Variants in DARS1 observed in about 807,000 individuals in gnomAD.
DARS1 encodes the protein aspartate--tRNA ligase, cytoplasmic.
Under a neutral mutation model 68.8 loss-of-function variants are expected in DARS1, and 51 were observed. The ratio of observed to expected loss-of-function variants is 0.74; its 90% confidence interval spans 0.59 to 0.94. The LOEUF is 0.94. Ranked by LOEUF, DARS1 falls within the 40% of genes least tolerant of loss-of-function variation. The probability of loss-of-function intolerance (pLI) is 0.00; values close to 1 mark genes in which losing one functional copy is unlikely to be tolerated. For missense variants in DARS1, 607 were observed against 597.3 expected (o/e 1.02, Z -0.17); for synonymous variants, 203 against 190.4 (o/e 1.07, Z -0.55).
intron 5 of DARS1, among the ~76,000 whole-genome samples, chr2:135,935,751 A>G (rs1681455610): frequency 6.6e-6 from 1 of 152,186 alleles, no homozygotes; most frequent in Non-Finnish European, 1.5e-5. Flanking sequence ...CCATTTTATC[A>G]TATTAGTTAA....
intron 8 of DARS1, among the ~76,000 whole-genome samples, chr2:135,924,090 T>C (rs1681162588): frequency 6.6e-6 from 1 of 152,218 alleles, no homozygotes; most frequent in Non-Finnish European, 1.5e-5. Flanking sequence ...TCAAAAGAAA[T>C]CTATATAATG....
chr2:135,932,094 C>T (rs559676698), intron 7 of DARS1, among the ~76,000 whole-genome samples: 16 of 152,158 alleles, frequency 1.1e-4, no homozygotes, highest in Middle Eastern at 3.4e-3. Context: ...TTAGGAATAA[C>T]ATGAGTATAT....
chr2:135,972,810 G>A (rs1682404853), intron 3 of DARS1, among the ~76,000 whole-genome samples: 3 of 152,206 alleles, frequency 2.0e-5, no homozygotes, highest in Middle Eastern at 3.4e-3. Context: ...ATGGCAAAAA[G>A]GCATATGAAA....
chr2:135,928,698 T>C (rs2104806834), intron 7 of DARS1, among the ~76,000 whole-genome samples: 1 of 150,498 alleles, frequency 6.6e-6, no homozygotes, highest in East Asian at 2.0e-4. Context: ...GAGATGGAAT[T>C]TCTTTCTTGT....
At position 135,985,493 on chromosome 2, in the gene DARS1, C is replaced by A. The variant is rs201174803; in HGVS notation, c.-25G>T. ...TCGGGACACGGAACTGGGCAGTGGA[C>A]ACCACCCTCCCTCGCAGGCTTCCGT... On this transcript the variant is annotated 5_prime_UTR_variant, in exon 1 of 16. Coordinates refer to ENST00000264161, the MANE Select transcript of DARS1 (RefSeq NM_001349.4). The A allele has an allele frequency of 6.2e-7, 1 of 1,614,028 alleles. No homozygotes were observed. Among genetic ancestry groups the A allele is most frequent in the African/African-American group, 1.3e-5 (1 of 75,060 alleles).
chr2:135,942,488 A>G (rs978980676), intron 5 of DARS1, among the ~76,000 whole-genome samples: 2 of 117,004 alleles, frequency 1.7e-5, no homozygotes, highest in East Asian at 6.0e-4. Context: ...GGAACATCAC[A>G]CATCAGGGCC....
At position 135,979,335 on chromosome 2, in the gene DARS1, T is replaced by TGTTCGG; in HGVS notation, c.155_156insCCGAAC (p.Thr52_Ile53insArgThr). 6.7e-7 allele frequency: 1 copy of TGTTCGG among 1,497,906 alleles called. No homozygotes were observed. The highest frequency in any genetic ancestry group is 1.4e-5 in the African/African-American group (1 of 72,900). The allele number at this position is 1,497,906 out of a possible 1,614,324, so 92.8% of individuals were successfully genotyped here. ...AAACAACTTCATCAGCTTTTTGTATTGTCAAGTCTCTAACCCGAACCAAAA... is the reference window on the plus strand; with the variant it reads ...AAACAACTTCATCAGCTTTTTGTATTGTTCGGGTCAAGTCTCTAACCCGAACCAAAA... On this transcript the variant is annotated inframe_insertion, in exon 3 of 16. Coordinates refer to ENST00000264161, the MANE Select transcript of DARS1 (RefSeq NM_001349.4).
intron 7 of DARS1, among the ~76,000 whole-genome samples, chr2:135,932,187 T>G (rs918630990): frequency 3.3e-5 from 5 of 152,178 alleles, no homozygotes; most frequent in African/African-American, 1.2e-4. Context: ...GTAGAATATT[T>G]AAGTAAAAAA....
intron 3 of DARS1, among the ~76,000 whole-genome samples, chr2:135,968,059 A>C (rs953619884): frequency 2.6e-5 from 4 of 152,162 alleles, no homozygotes; most frequent in African/African-American, 9.7e-5. Context: ...CAGGAGTTTG[A>C]GACTAGCCTG....
rs532809701 is a variant in DARS1, at chr2:135,985,118, C to A, written c.66+285G>T. 149 of 502,862 alleles carry A rather than the reference C, an allele frequency of 3.0e-4. 3 individuals are homozygous for A. The highest frequency in any genetic ancestry group is 2.3e-3 in the African/African-American group (122 of 52,784). 31.2% of individuals were successfully genotyped at this position (502,862 alleles called of 1,614,324 possible). ...CTAACCCAGAGAGACTCAAGTGTGA[C>A]GCCGCGCTCCTACTTCCGGGGCGGC... On this transcript the variant is annotated intron_variant, in intron 1 of 15. Transcript: ENST00000264161.
At chr2:135,952,880 T>G (rs1179524394) in intron 4 of DARS1, among the ~76,000 whole-genome samples, 2 of 152,208 alleles carry the variant, frequency 1.3e-5, no homozygotes, top group African/African-American at 4.8e-5. Context: ...TTCATTTCCT[T>G]TGAATAATTA....
chr2:135,973,474 C>CA (rs59584448), intron 3 of DARS1, among the ~76,000 whole-genome samples: 24,575 of 140,844 alleles, frequency 0.17, 2,284 homozygotes, highest in Middle Eastern at 0.4. Flanking sequence ...TAATGGGTAC[C>CA]AAAAAAAAAA....
At chr2:135,952,102 G>A (rs1048324448) in intron 4 of DARS1, among the ~76,000 whole-genome samples, 3 of 152,048 alleles carry the variant, frequency 2.0e-5, no homozygotes, top group Non-Finnish European at 4.4e-5. Flanking sequence ...TTAGCTGGGC[G>A]TGGTGGTGGG....
chr2:135,979,469 A>G (rs1393823908), intron 2 of DARS1, 103 bp from the exon 3 acceptor site: 1 of 678,980 alleles, frequency 1.5e-6, no homozygotes, highest in Non-Finnish European at 2.6e-6. Context: ...AGTACTTGGA[A>G]CCATCCTGAA....
chr2:135,942,271 T>G (rs1303529686), intron 5 of DARS1, among the ~76,000 whole-genome samples: 1 of 151,982 alleles, frequency 6.6e-6, no homozygotes, highest in Non-Finnish European at 1.5e-5. Flanking sequence ...CCATCAATGA[T>G]AGACTGGATT....
In DARS1 at chr2:135,985,341, TC is replaced by T. The variant is rs1161775818; in HGVS notation, c.66+61del. ...GTAGGGCCCCACTCCCCCTCCTCCCTCCCTCGGCGCAGCCCGGCCCAGGGGT... is the reference window on the plus strand; with the variant it reads ...GTAGGGCCCCACTCCCCCTCCTCCCTCCTCGGCGCAGCCCGGCCCAGGGGT... On this transcript the variant is annotated intron_variant, in intron 1 of 15. Transcript: ENST00000264161. 8 of 1,578,752 alleles carry T rather than the reference TC, an allele frequency of 5.1e-6. No homozygotes were observed. In the Admixed American group the frequency reaches 8.9e-5, roughly 18 times the overall value.
intron 4 of DARS1, among the ~76,000 whole-genome samples, chr2:135,946,266 G>A (rs1681717860): frequency 6.6e-6 from 1 of 152,118 alleles, no homozygotes; most frequent in South Asian, 2.1e-4. Context: ...TACAGGAGAG[G>A]AAAGGAGGGG....
intron 5 of DARS1, among the ~76,000 whole-genome samples, chr2:135,934,454 T>A (rs2104811398): frequency 6.6e-6 from 1 of 152,024 alleles, no homozygotes; most frequent in South Asian, 2.1e-4. Context: ...AAACCCCGTC[T>A]CTACAAAAAA....
chr2:135,942,974 A>T (rs747320565), intron 5 of DARS1, among the ~76,000 whole-genome samples: 8 of 152,182 alleles, frequency 5.3e-5, no homozygotes, highest in Non-Finnish European at 1.0e-4. Context: ...CAGATGTGAC[A>T]CAAGTAGAAG....
Sources: gnomAD v4.1 joint callset for allele counts (sites outside exome capture counted in the v4.1 genomes callset) on GRCh38, gnomAD v4.1.1 for gene constraint, MANE v1.5 for transcripts, NCBI Gene and HGNC (gene_info 2026-07-23, HGNC 2026-07-21) for gene names.